Variants in CYP24A1 observed in about 807,000 individuals in gnomAD.
The protein encoded by CYP24A1 is 1,25-dihydroxyvitamin D(3) 24-hydroxylase, mitochondrial.
CYP24A1 carries 68 observed loss-of-function variants against 62.4 expected under a neutral mutation model. That is an observed-to-expected ratio of 1.09 (90% confidence interval 0.90 to 1.33). CYP24A1 has a LOEUF of 1.33. Ranked by LOEUF, CYP24A1 falls within the 40% of genes most tolerant of loss-of-function variation. CYP24A1 has a pLI of 0.00. For synonymous variants in CYP24A1, 267 were observed against 253.0 expected (o/e 1.06, Z -0.52); for missense variants, 787 against 653.0 (o/e 1.21, Z -2.24).
intron 4 of CYP24A1, among the ~76,000 whole-genome samples, chr20:54,168,860 T>TTCCTTCCTTCCC (rs1568973255): frequency 2.6e-5 from 1 of 38,974 alleles, no homozygotes; most frequent in African/African-American, 1.2e-4. Context: ...CCTTCCTTCC[T>TTCCTTCCTTCCC]TCCTTCCTTC....
rs16999131 is a variant in CYP24A1 at position 54,164,553 on chromosome 20, G to A, written c.743C>T (p.Thr248Met). The A allele has an allele frequency of 9.9e-6, 16 of 1,614,004 alleles. No individual in the cohort carries two copies. Among genetic ancestry groups the A allele is most frequent in the Admixed American group, 8.3e-5 (5 of 59,998 alleles). ...TGGAGTGACCATCATCCTCCCAAAC[G>A]TGCTCATCATCTGAGAGAAATGCAA... ...FIMAIKTMMS[T>M]FGRMMVTPVE... is the part of the protein sequence containing the mutation. Residue 248 changes from threonine to methionine, a missense_variant, in exon 6 of 12, where the codon ACG (threonine) becomes ATG (methionine). By Grantham distance (81) the Thr-to-Met change is moderately conservative. Transcript: ENST00000216862.
the CYP24A1 span, among the ~76,000 whole-genome samples, chr20:54,148,369 G>GACACACAGACAC: frequency 3.0e-5 from 4 of 133,378 alleles, no homozygotes; most frequent in East Asian, 2.2e-4. Flanking sequence ...CAGACACACA[G>GACACACAGACAC]ACACACACAC....
rs779738054 is a variant in CYP24A1, at chr20:54,159,039, C to T, written c.1075G>A (p.Val359Ile). The T allele has an allele frequency of 6.2e-7, 1 of 1,614,142 alleles. No individual in the cohort carries two copies. Among genetic ancestry groups the T allele is most frequent in the Non-Finnish European group, 8.5e-7 (1 of 1,180,026 alleles). ...CGTGGCACCTGATTCTCAGGTAATA[C>T]ACTTTGAATTTCCTTAAGAAGCTTT... ...QQKLLKEIQS[V>I]LPENQVPRAE... is the part of the protein sequence containing the mutation. Residue 359 changes from valine (V) to isoleucine (I), a missense_variant, in exon 8 of 12, where the codon GTA becomes ATA. Transcript: ENST00000216862.
At chr20:54,152,295 T>A (rs931385688), downstream of CYP24A1, among the ~76,000 whole-genome samples, 3 of 152,212 alleles carry the variant, frequency 2.0e-5, no homozygotes, top group Non-Finnish European at 4.4e-5. Flanking sequence ...GTGGAAGCCC[T>A]GCTCCCTGGG....
chr20:54,166,036 C>T (rs1049750050), intron 4 of CYP24A1, among the ~76,000 whole-genome samples: 2 of 152,314 alleles, frequency 1.3e-5, no homozygotes, highest in Admixed American at 1.3e-4. Context: ...GAAATTATCT[C>T]CAGGTCCAAT....
chr20:54,152,422 G>A (rs2092614028), downstream of CYP24A1, among the ~76,000 whole-genome samples: 1 of 152,122 alleles, frequency 6.6e-6, no homozygotes, highest in Admixed American at 6.5e-5. Flanking sequence ...TCCTCATCCT[G>A]CTGTCCCCAC....
intron 7 of CYP24A1, 74 bp downstream of exon 7, chr20:54,162,643 T>C: frequency 1.1e-6 from 1 of 907,272 alleles, no homozygotes. Context: ...TGAGATGAAT[T>C]ACTATTTAAA....
intron 2 of CYP24A1, chr20:54,171,967 G>A: frequency 2.0e-6 from 1 of 498,972 alleles, no homozygotes; most frequent in Admixed American, 3.5e-5. Context: ...CAGGGAGTGG[G>A]GCTGGGAGGC....
At chr20:54,145,565 G>A in the CYP24A1 span, among the ~76,000 whole-genome samples, 2 of 150,784 alleles carry the variant, frequency 1.3e-5, no homozygotes, top group Non-Finnish European at 2.9e-5. Flanking sequence ...TCTTGTACCC[G>A]GGAGGCGGAG....
chr20:54,155,851 C>G (rs1343317119), intron 11 of CYP24A1, among the ~76,000 whole-genome samples: 1 of 151,860 alleles, frequency 6.6e-6, no homozygotes, highest in Non-Finnish European at 1.5e-5. Context: ...CTTACTAACT[C>G]TTAATTTCAT....
chr20:54,166,127 G>T (rs1185976498), intron 4 of CYP24A1, among the ~76,000 whole-genome samples: 1 of 152,214 alleles, frequency 6.6e-6, no homozygotes, highest in Non-Finnish European at 1.5e-5. Context: ...CCCTAGCAAA[G>T]GTGCTGCAGG....
chr20:54,168,048 C>G (rs2092678626), intron 4 of CYP24A1, among the ~76,000 whole-genome samples: 1 of 152,206 alleles, frequency 6.6e-6, no homozygotes, highest in Non-Finnish European at 1.5e-5. Context: ...GCTTGTCATT[C>G]CGCACTTCTT....
rs371570297 is a variant in CYP24A1, at chr20:54,158,074, A to G, written c.1236+12T>C. On this transcript the variant is annotated intron_variant, in intron 9 of 11. Transcript: ENST00000216862. ...GGTTTTGTAAGGTATAGAATATACAAATTCTACTTACTCCTTTGGGTAAAG... is the reference window on the plus strand; with the variant it reads ...GGTTTTGTAAGGTATAGAATATACAGATTCTACTTACTCCTTTGGGTAAAG... 11 of 1,613,162 alleles carry G rather than the reference A, an allele frequency of 6.8e-6. No homozygotes were observed. The African/African-American group carries it at 1.3e-4, about 20-fold the overall frequency.
chr20:54,153,930 C>G lies in CYP24A1; in HGVS notation c.*842G>C, dbSNP rs1374908581. 6.6e-6 allele frequency: 1 copy of G among 152,274 alleles called. No homozygotes were observed. Among genetic ancestry groups the G allele is most frequent in the Non-Finnish European group, 1.5e-5 (1 of 68,018 alleles). The allele number at this position is 152,274 out of a possible 1,614,324, so 9.4% of individuals were successfully genotyped here. Reference sequence around the variant, plus strand: ...ATCATTTTATAATATTAAAGTCACACTGAATGTTTTTAAGCTGTGACTAAA... The same window carrying G: ...ATCATTTTATAATATTAAAGTCACAGTGAATGTTTTTAAGCTGTGACTAAA... On this transcript the variant is annotated 3_prime_UTR_variant, in exon 12 of 12. Transcript: ENST00000216862.
rs980597501 is a variant in CYP24A1 at position 54,173,334 on chromosome 20, C to G, written c.246G>C (p.Gln82His). Reference protein sequence around the residue: ...QILWKGGLKKQHDTLVEYHKK... With the variant: ...QILWKGGLKKHHDTLVEYHKK... ...AAAAGGGGTTTACCAGGGTGTCGTG[C>G]TGTTTCTTGAGACCCCCTTTCCAGA... The change falls in exon 1 of 12, where the codon CAG becomes CAC. Residue 82 changes from glutamine to histidine, a missense_variant. By Grantham distance (24) the Gln-to-His change is conservative. Transcript: ENST00000216862. The surrounding 1 kb of genome is among the most constrained non-coding windows in gnomAD (Gnocchi z 7.2). The G allele has an allele frequency of 6.2e-7, 1 of 1,608,744 alleles. No homozygotes were observed. The highest frequency in any genetic ancestry group is 2.2e-5 in the East Asian group (1 of 44,724).
At chr20:54,169,770 A>G in intron 3 of CYP24A1, 82 bp from the exon 4 acceptor site, 1 of 1,593,960 alleles carries the variant, frequency 6.3e-7, no homozygotes, top group Non-Finnish European at 8.5e-7. Flanking sequence ...AGCTAACTTC[A>G]GGTCTTGCTA....
rs149806586 is a variant in CYP24A1 at position 54,172,973 on chromosome 20, G to T, written c.385C>A (p.Leu129Met). Residue 129 changes from leucine to methionine, a missense_variant, in exon 2 of 12, where the codon CTG becomes ATG. Leu to Met is a conservative substitution (Grantham distance 15, BLOSUM62 2). Coordinates refer to ENST00000216862, the MANE Select transcript of CYP24A1 (RefSeq NM_000782.5). ...TAGGCCTTCCACGGTTTGATCTCCA[G>T]CCGCTGCGGGTACGCGCTCTCGGTG... ...YRTESAYPQR[L>M]EIKPWKAYRD... 678 of 1,613,202 alleles carry T rather than the reference G, an allele frequency of 4.2e-4. 1 individual carries two copies. Among genetic ancestry groups the T allele is most frequent in the Non-Finnish European group, 3.7e-4 (433 of 1,180,036 alleles).
At chr20:54,150,674 T>C (rs762666300), downstream of CYP24A1, among the ~76,000 whole-genome samples, 63 of 152,366 alleles carry the variant, frequency 4.1e-4, 1 homozygote, top group Middle Eastern at 3.4e-3. Context: ...GTTTTAATTC[T>C]AGAGGAGTCA....
At chr20:54,155,157 A>G (rs965577910) in intron 11 of CYP24A1, among the ~76,000 whole-genome samples, 1 of 152,056 alleles carries the variant, frequency 6.6e-6, no homozygotes, top group African/African-American at 2.4e-5. Flanking sequence ...TACTTGATTC[A>G]GTTCTGTTGG....
Sources: allele counts gnomAD v4.1 joint callset (sites outside exome capture counted in the v4.1 genomes callset), GRCh38; gene constraint gnomAD v4.1.1; non-coding constraint Gnocchi (gnomAD v3.1); transcripts MANE v1.5; gene names NCBI Gene and HGNC (gene_info 2026-07-23, HGNC 2026-07-21).